SETD2: variants seen among roughly 807,000 people sequenced by gnomAD.
SETD2 encodes histone-lysine N-methyltransferase SETD2.
Under a neutral mutation model 242.1 loss-of-function variants are expected in SETD2, and 31 were observed. The observed-to-expected ratio is 0.13, with a 90% CI of 0.10 to 0.17. SETD2 has a LOEUF of 0.17. SETD2 is among the 10% of genes least tolerant of loss of function. The pLI, the probability that SETD2 is intolerant of heterozygous loss-of-function variation, is 1.00. For missense variants in SETD2, 2,481 were observed against 3,046.3 expected, an observed-to-expected ratio of 0.81 and a Z score of 4.37; for synonymous variants, 1,006 against 1,066.5, an observed-to-expected ratio of 0.94 and a Z score of 1.11.
chr3:47,086,462 A>G, intron 10 of SETD2, 148 bp from the exon 11 acceptor site: 1 of 636,132 alleles, frequency 1.6e-6, no homozygotes, highest in Non-Finnish European at 2.6e-6. Flanking sequence ...TGTTTTCATT[A>G]GCCTAAATAG....
chr3:47,085,158 G>T (rs947689342), intron 11 of SETD2, among the ~76,000 whole-genome samples: 3 of 152,082 alleles, frequency 2.0e-5, no homozygotes, highest in African/African-American at 7.2e-5. Flanking sequence ...TCATAATATT[G>T]TTTTCCTTAA....
intron 9 of SETD2, among the ~76,000 whole-genome samples, chr3:47,092,233 C>A (rs937983702): frequency 6.6e-6 from 1 of 152,040 alleles, no homozygotes; most frequent in African/African-American, 2.4e-5. Context: ...TAAATGCATG[C>A]CAATTCCAGT....
intron 1 of SETD2, among the ~76,000 whole-genome samples, chr3:47,129,100 G>A (rs530071628): frequency 2.0e-5 from 3 of 152,208 alleles, no homozygotes; most frequent in South Asian, 4.1e-4. Flanking sequence ...GAGTTGGGAG[G>A]GAAGGGGGCA....
chr3:47,046,137 A>G (rs2039515033), intron 16 of SETD2, among the ~76,000 whole-genome samples: 1 of 151,676 alleles, frequency 6.6e-6, no homozygotes, highest in Non-Finnish European at 1.5e-5. Flanking sequence ...CATGAGGTCA[A>G]GACGAGCCTG....
chr3:47,023,325 G>A (rs1385596446), intron 18 of SETD2, among the ~76,000 whole-genome samples: 3 of 152,094 alleles, frequency 2.0e-5, no homozygotes, highest in African/African-American at 4.8e-5. Context: ...GCTTGAACCC[G>A]GGAGGTGGAG....
chr3:47,110,299 G>GAGTT (rs1488399796), intron 5 of SETD2, among the ~76,000 whole-genome samples: 1 of 152,192 alleles, frequency 6.6e-6, no homozygotes, highest in Admixed American at 6.5e-5. Context: ...TTAACAGGCA[G>GAGTT]AGTTAGTTCC....
chr3:47,117,302 G>C (rs2042902057), intron 3 of SETD2, among the ~76,000 whole-genome samples: 1 of 141,872 alleles, frequency 7.0e-6, no homozygotes, highest in African/African-American at 2.7e-5. Flanking sequence ...AAAAACATGA[G>C]AAGGGCAACC....
chr3:47,122,318 G>A lies in SETD2; in HGVS notation c.2318C>T (p.Thr773Ile). ...MPVMTVDYSK[T>I]VVKEPVDTRV... Reference sequence around the variant, plus strand: ...CGTATCAACTGGTTCTTTAACTACTGTTTTGGAATAATCCACAGTCATAAC... The same window carrying A: ...CGTATCAACTGGTTCTTTAACTACTATTTTGGAATAATCCACAGTCATAAC... Residue 773 changes from threonine to isoleucine, a missense_variant, in exon 3 of 21, where the codon ACA (threonine) becomes ATA (isoleucine). Coordinates refer to ENST00000409792, the MANE Select transcript of SETD2 (RefSeq NM_014159.7). The A allele has an allele frequency of 6.2e-7, 1 of 1,614,134 alleles. No homozygotes were observed. The highest frequency in any genetic ancestry group is 1.1e-5 in the South Asian group (1 of 91,080).
At chr3:47,034,886 T>A (rs144276254) in intron 18 of SETD2, among the ~76,000 whole-genome samples, 150 of 152,284 alleles carry the variant, frequency 9.9e-4, no homozygotes, top group African/African-American at 3.4e-3. Flanking sequence ...AAGAGTGAGA[T>A]GAAGTTCAGA....
intron 18 of SETD2, among the ~76,000 whole-genome samples, 173 bp from the exon 19 acceptor site, chr3:47,020,013 A>T (rs1380901381): frequency 6.6e-6 from 1 of 152,028 alleles, no homozygotes; most frequent in Non-Finnish European, 1.5e-5. Flanking sequence ...CTTGGCTATT[A>T]TGTTTCAAAT....
At chr3:47,086,110 A>G (rs1308367389) in intron 11 of SETD2, 85 bp downstream of exon 11, 33 of 1,463,542 alleles carry the variant, frequency 2.3e-5, no homozygotes, top group South Asian at 1.7e-4. Context: ...TGCTAAATTC[A>G]TAATTACTGA....
In SETD2 at chr3:47,017,323, G is replaced by A. The variant is rs2107486423; in HGVS notation, c.7534-69C>T. The A allele has an allele frequency of 1.3e-6, 2 of 1,555,310 alleles. No individual in the cohort carries two copies. The highest frequency in any genetic ancestry group is 1.8e-6 in the Non-Finnish European group (2 of 1,137,188). On this transcript the variant is annotated intron_variant, in intron 20 of 20. Coordinates refer to ENST00000409792, the MANE Select transcript of SETD2 (RefSeq NM_014159.7). The surrounding 1 kb of genome is among the most constrained non-coding windows in gnomAD (Gnocchi z 4.8). ...CAGAAATTATATGAGGGGGAGGACA[G>A]GGGTGGTAATCCAGCCTGCTGCTTC...
chr3:47,146,911 C>A (rs9867600), intron 1 of SETD2, among the ~76,000 whole-genome samples: 3 of 150,902 alleles, frequency 2.0e-5, no homozygotes, highest in African/African-American at 7.3e-5. Flanking sequence ...CTAGTCCACT[C>A]TAGGTGACAG....
At position 47,123,216 on chromosome 3, in the gene SETD2, A is replaced by G. The variant is rs1283676464; in HGVS notation, c.1420T>C (p.Ser474Pro). ...EYKKTYSRRT[S>P]SHSSSYRDLR... ...TCTCTGTAAGAAGAGGAATGAGATG[A>G]GGTACGCCTTGAGTATGTCTTCTTA... The change falls in exon 3 of 21, where the codon TCA becomes CCA. Residue 474 changes from serine to proline, a missense_variant. By Grantham distance (74) the Ser-to-Pro change is moderately conservative. Around this residue, in one of 17 missense-constraint regions of SETD2, gnomAD observed 1,300 missense variants for 1,259.2 expected, o/e 1.03. Coordinates refer to ENST00000409792, the MANE Select transcript of SETD2 (RefSeq NM_014159.7). 1 of 1,571,926 alleles carries G rather than the reference A, an allele frequency of 6.4e-7. No individual in the cohort carries two copies. The highest frequency in any genetic ancestry group is 1.1e-5 in the South Asian group (1 of 87,350).
At chr3:47,102,856 G>C (rs1228101623) in intron 7 of SETD2, among the ~76,000 whole-genome samples, 1 of 150,072 alleles carries the variant, frequency 6.7e-6, no homozygotes, top group Non-Finnish European at 1.5e-5. Flanking sequence ...GTCAAATGTT[G>C]CACCTAGATA....
At chr3:47,154,813 G>A (rs1575853260) in intron 1 of SETD2, among the ~76,000 whole-genome samples, 1 of 152,146 alleles carries the variant, frequency 6.6e-6, no homozygotes, top group East Asian at 1.9e-4. Context: ...CTAACATGGT[G>A]AAACCCATCT....
At chr3:47,094,584 T>C (rs2041934098) in intron 9 of SETD2, among the ~76,000 whole-genome samples, 1 of 152,246 alleles carries the variant, frequency 6.6e-6, no homozygotes, top group African/African-American at 2.4e-5. Context: ...TCTGTGATTC[T>C]GCTCAACTGT....
At chr3:47,064,534 A>G (rs771458293) in intron 13 of SETD2, 1 of 266,706 alleles carries the variant, frequency 3.7e-6, no homozygotes, top group Non-Finnish European at 8.2e-6. Flanking sequence ...ATACCCTGAT[A>G]AAACAAAAAA....
rs373626181 is a variant in SETD2, at chr3:47,132,193, C to T, written c.72-5530G>A. Among the ~76,000 whole-genome samples, 69 of 145,632 alleles carry T rather than the reference C, an allele frequency of 4.7e-4. 1 individual carries two copies. The South Asian group carries it at 0.013, about 27-fold the overall frequency. ...TGTCTTCCAGGCTGGAGTCCAGTGG[C>T]GCAATCTTGGCTCACTGATGCCTCA... On this transcript the variant is annotated intron_variant, in intron 1 of 20. Transcript: ENST00000409792.
Sources: allele counts gnomAD v4.1 joint callset (sites outside exome capture counted in the v4.1 genomes callset), GRCh38; gene constraint gnomAD v4.1.1; regional missense constraint gnomAD v4.1.1; non-coding constraint Gnocchi (gnomAD v3.1); transcripts MANE v1.5; gene names NCBI Gene and HGNC (gene_info 2026-07-23, HGNC 2026-07-21).